The following RBFOX1 variants were observed in gnomAD, a reference collection of about 807,000 sequenced individuals.
RBFOX1 encodes RNA binding fox-1 homolog 1, also known as RNA binding protein fox-1 homolog 1.
Under a neutral mutation model 57.7 loss-of-function variants are expected in RBFOX1, and 8 were observed. The ratio of observed to expected loss-of-function variants is 0.14; its 90% confidence interval spans 0.08 to 0.25. RBFOX1 has a LOEUF of 0.25. Among genes scored for constraint, RBFOX1 ranks in the 10% least tolerant of loss-of-function variants. The pLI is 1.00. For missense variants in RBFOX1, 611 were observed against 548.5 expected (o/e 1.11, Z -1.14); for synonymous variants, 326 against 222.4 (o/e 1.47, Z -4.15).
intron 4 of RBFOX1, among the ~76,000 whole-genome samples, chr16:7,132,884 C>A (rs1288698519): frequency 1.3e-5 from 2 of 152,230 alleles, no homozygotes; most frequent in South Asian, 2.1e-4. Context: ...ATAAATAGGT[C>A]CCCTGACATA....
chr16:6,498,374 TATC>T (rs973169967), intron 2 of RBFOX1, among the ~76,000 whole-genome samples: 6 of 151,626 alleles, frequency 4.0e-5, no homozygotes, highest in African/African-American at 1.2e-4. Flanking sequence ...AAGAGCAAAA[TATC>T]ATTGTATTTC....
chr16:5,322,429 C>A (rs2064436773), intron 1 of RBFOX1, among the ~76,000 whole-genome samples: 1 of 152,092 alleles, frequency 6.6e-6, no homozygotes, highest in Non-Finnish European at 1.5e-5. Context: ...GGGTGCTGAG[C>A]CGGGTGCCCT....
intron 4 of RBFOX1, among the ~76,000 whole-genome samples, chr16:7,153,706 G>A (rs571152685): frequency 5.8e-5 from 8 of 137,234 alleles, no homozygotes; most frequent in Admixed American, 4.7e-4. Flanking sequence ...ACTCTAGCCT[G>A]GTGACAGTGA....
chr16:7,475,427 G>T (rs1286717157), intron 4 of RBFOX1, among the ~76,000 whole-genome samples: 2 of 151,406 alleles, frequency 1.3e-5, no homozygotes, highest in African/African-American at 2.4e-5. Flanking sequence ...CAATTCTCCT[G>T]CGTCAGCCTC....
At chr16:6,303,396 T>A (rs9933464) in intron 1 of RBFOX1, among the ~76,000 whole-genome samples, 37,865 of 151,882 alleles carry the variant, frequency 0.25, 4,953 homozygotes, top group East Asian at 0.36. Context: ...TATGGTGTAT[T>A]TTCTTTCTCC....
intron 4 of RBFOX1, among the ~76,000 whole-genome samples, chr16:7,383,623 G>C (rs549821018): frequency 2.0e-5 from 3 of 152,192 alleles, no homozygotes; most frequent in Non-Finnish European, 2.9e-5. Context: ...TTTGAGAGCT[G>C]AGAATATGAC....
At chr16:6,643,986 C>A (rs151141051) in intron 2 of RBFOX1, among the ~76,000 whole-genome samples, 1 of 152,038 alleles carries the variant, frequency 6.6e-6, no homozygotes, top group Non-Finnish European at 1.5e-5. Flanking sequence ...AATAGCCAGA[C>A]GTGGTAGCAT....
intron 1 of RBFOX1, among the ~76,000 whole-genome samples, chr16:5,259,940 A>G (rs2062691948): frequency 6.6e-6 from 1 of 152,174 alleles, no homozygotes; most frequent in Non-Finnish European, 1.5e-5. Flanking sequence ...GGTGGCTCAC[A>G]CCTGTAATCT....
intron 4 of RBFOX1, among the ~76,000 whole-genome samples, chr16:7,167,474 A>G (rs1194286409): frequency 2.0e-5 from 3 of 152,148 alleles, no homozygotes; most frequent in Admixed American, 6.5e-5. Flanking sequence ...TGCAGCCACA[A>G]GCCAAGGATG....
chr16:7,110,276 C>A (rs1293816212), intron 4 of RBFOX1, among the ~76,000 whole-genome samples: 3 of 151,730 alleles, frequency 2.0e-5, no homozygotes, highest in African/African-American at 7.3e-5. Context: ...CAGAAGGATC[C>A]CCGGAACCTA....
chr16:6,549,686 C>T (rs146457096), intron 2 of RBFOX1, among the ~76,000 whole-genome samples: 1 of 151,994 alleles, frequency 6.6e-6, no homozygotes, highest in Non-Finnish European at 1.5e-5. Flanking sequence ...GACGATAGGG[C>T]TGGAGTCTTC....
intron 1 of RBFOX1, among the ~76,000 whole-genome samples, chr16:6,234,667 A>G (rs2097491366): frequency 6.6e-6 from 1 of 152,144 alleles, no homozygotes; most frequent in South Asian, 2.1e-4. Flanking sequence ...TTGTAAACTT[A>G]AGTAGGAATT....
chr16:5,860,532 A>G (rs1349295880), intron 3 of RBFOX1, among the ~76,000 whole-genome samples: 1 of 152,194 alleles, frequency 6.6e-6, no homozygotes, highest in Non-Finnish European at 1.5e-5. Flanking sequence ...GGCTGTGTAG[A>G]GGAGAAGGGG....
chr16:5,982,274 T>A (rs1157461384), intron 4 of RBFOX1, among the ~76,000 whole-genome samples: 11 of 151,978 alleles, frequency 7.2e-5, no homozygotes, highest in Admixed American at 6.6e-4. Context: ...CACATGAATT[T>A]TTTTTTTTCT....
chr16:7,484,770 G>A (rs1050268652), intron 4 of RBFOX1, among the ~76,000 whole-genome samples: 2 of 152,140 alleles, frequency 1.3e-5, no homozygotes, highest in Admixed American at 6.5e-5. Context: ...GGCTGGCATT[G>A]GGTATTTTTC....
intron 4 of RBFOX1, among the ~76,000 whole-genome samples, chr16:7,502,544 G>C (rs1463775607): frequency 6.6e-6 from 1 of 152,094 alleles, no homozygotes; most frequent in African/African-American, 2.4e-5. Context: ...AGAAATAGAA[G>C]ATATGTTGAT....
At chr16:7,149,912 C>T (rs930485017) in intron 4 of RBFOX1, among the ~76,000 whole-genome samples, 2 of 152,180 alleles carry the variant, frequency 1.3e-5, no homozygotes, top group African/African-American at 4.8e-5. Flanking sequence ...TAAACTCCAG[C>T]CACATCCCGT....
intron 3 of RBFOX1, among the ~76,000 whole-genome samples, chr16:5,735,704 C>G (rs1212866932): frequency 6.6e-6 from 1 of 152,098 alleles, no homozygotes; most frequent in Non-Finnish European, 1.5e-5. Flanking sequence ...TGAGACCACC[C>G]TGGTCAACAT....
At chr16:7,638,000 A>G (rs1023246554) in intron 11 of RBFOX1, among the ~76,000 whole-genome samples, 1 of 152,164 alleles carries the variant, frequency 6.6e-6, no homozygotes, top group Non-Finnish European at 1.5e-5. Context: ...CACTATTTCA[A>G]TTTTGATAGT....
Sources: allele counts gnomAD v4.1 joint callset (sites outside exome capture counted in the v4.1 genomes callset), GRCh38; gene constraint gnomAD v4.1.1; transcripts MANE v1.5; gene names NCBI Gene and HGNC (gene_info 2026-07-23, HGNC 2026-07-21).